The following CA5A variants were observed in gnomAD, a reference collection of about 807,000 sequenced individuals.
The protein encoded by CA5A is carbonic anhydrase 5A, mitochondrial.
In CA5A, 28 loss-of-function variants were observed where a neutral mutation model predicts 37.1. The ratio of observed to expected loss-of-function variants is 0.75; its 90% CI spans 0.56 to 1.03. The LOEUF (loss-of-function observed/expected upper bound fraction) is 1.03, where lower values mean the gene tolerates loss of function less well. Among genes scored for constraint, CA5A ranks in the 50% least tolerant of loss-of-function variants. CA5A has a pLI of 0.00. For synonymous variants in CA5A, 171 were observed against 158.4 expected, an observed-to-expected ratio of 1.08 and a Z score of -0.60; for missense variants, 444 against 399.9, an observed-to-expected ratio of 1.11 and a Z score of -0.94.
intron 2 of CA5A, among the ~76,000 whole-genome samples, chr16:87,922,080 C>T (rs888409812): frequency 1.3e-5 from 2 of 152,010 alleles, no homozygotes; most frequent in African/African-American, 2.4e-5. Context: ...GTTACCCTCC[C>T]ACCTTGGCCT....
At chr16:87,887,104 T>G (rs1048701943), downstream of CA5A, 1 of 152,126 alleles carries the variant, frequency 6.6e-6, no homozygotes, top group African/African-American at 2.4e-5. Context: ...GGTTTCGCCA[T>G]GTTGGTCAGG....
At chr16:87,905,746 G>A (rs2055951771) in intron 2 of CA5A, among the ~76,000 whole-genome samples, 1 of 152,326 alleles carries the variant, frequency 6.6e-6, no homozygotes, top group South Asian at 2.1e-4. Context: ...CCACCACAGG[G>A]CCAGCTTTTA....
intron 2 of CA5A, among the ~76,000 whole-genome samples, chr16:87,912,505 G>C (rs114925308): frequency 0.03 from 4,571 of 152,296 alleles, 251 homozygotes; most frequent in African/African-American, 0.1. Flanking sequence ...AAGCATAAAA[G>C]AAGAAAAGTC....
In CA5A at chr16:87,911,321, CA is replaced by C. The variant is rs2056049288; in HGVS notation, c.341-6418del. ...GTGCCAGACTCTCCAAACATAATAA[CA>C]GATGACGTTTGGGGCCGGCTCCAGG... is the stretch of plus-strand genomic sequence containing the variant. On this transcript the variant is annotated intron_variant, in intron 2 of 6. Transcript: ENST00000649794. The surrounding 1 kb of genome is among the most constrained non-coding windows in gnomAD (Gnocchi z 4.6). Among the ~76,000 whole-genome samples, 1 of 152,112 alleles carries C rather than the reference CA, an allele frequency of 6.6e-6. No homozygotes were observed. The highest frequency in any genetic ancestry group is 1.5e-5 in the Non-Finnish European group (1 of 68,028).
At chr16:87,922,213 A>T (rs2056240207) in intron 2 of CA5A, among the ~76,000 whole-genome samples, 2 of 152,072 alleles carry the variant, frequency 1.3e-5, no homozygotes, top group Non-Finnish European at 2.9e-5. Flanking sequence ...CCCCCATAAA[A>T]TTAGCATTTT....
intron 2 of CA5A, among the ~76,000 whole-genome samples, chr16:87,912,396 A>T (rs1158891750): frequency 6.6e-6 from 1 of 152,248 alleles, no homozygotes; most frequent in East Asian, 1.9e-4. Flanking sequence ...CCCCTGAAGC[A>T]GATACCACGA....
chr16:87,906,638 T>C (rs2055966084), intron 2 of CA5A, among the ~76,000 whole-genome samples: 1 of 151,442 alleles, frequency 6.6e-6, no homozygotes, highest in South Asian at 2.1e-4. Flanking sequence ...AAAAAAAAAG[T>C]ACTCATAGTT....
At chr16:87,916,926 C>A (rs2056152572) in intron 2 of CA5A, among the ~76,000 whole-genome samples, 1 of 151,750 alleles carries the variant, frequency 6.6e-6, no homozygotes, top group South Asian at 2.1e-4. Flanking sequence ...CACAGTGAAA[C>A]CCCGTCTTTA....
At chr16:87,890,257 C>T (rs571558323) in intron 6 of CA5A, among the ~76,000 whole-genome samples, 1 of 152,358 alleles carries the variant, frequency 6.6e-6, no homozygotes, top group South Asian at 2.1e-4. Context: ...ACCTGCCCCC[C>T]TCCCACCCTC....
At position 87,936,527 on chromosome 16, in the gene CA5A, A is replaced by G; in HGVS notation, c.-77T>C. The G allele has an allele frequency of 6.3e-7, 1 of 1,576,204 alleles. No individual in the cohort carries two copies. The highest frequency in any genetic ancestry group is 8.6e-7 in the Non-Finnish European group (1 of 1,156,548). On this transcript the variant is annotated 5_prime_UTR_variant, in exon 1 of 7. Transcript: ENST00000649794. ...GTCTGTTCTCACTTTGATCAGGACC[A>G]CTGTGGACTGGCGTGTACCCACCTC...
intron 2 of CA5A, among the ~76,000 whole-genome samples, chr16:87,920,906 G>A (rs1458744324): frequency 6.6e-6 from 1 of 152,100 alleles, no homozygotes; most frequent in Non-Finnish European, 1.5e-5. Context: ...CGATTTTCCT[G>A]CCTCAGCCTT....
intron 2 of CA5A, among the ~76,000 whole-genome samples, chr16:87,920,037 G>C (rs943538768): frequency 6.6e-6 from 1 of 152,178 alleles, no homozygotes; most frequent in Admixed American, 6.6e-5. Flanking sequence ...GGAGGGCCGG[G>C]CTTACCTGGG....
intron 2 of CA5A, among the ~76,000 whole-genome samples, chr16:87,926,143 C>T (rs2056305387): frequency 6.6e-6 from 1 of 152,156 alleles, no homozygotes; most frequent in Non-Finnish European, 1.5e-5. Flanking sequence ...TCACTTGAAC[C>T]AGGAGACAGA....
chr16:87,936,303 A>G lies in CA5A; in HGVS notation c.142+6T>C. 6.2e-7 allele frequency: 1 copy of G among 1,607,708 alleles called. No individual in the cohort carries two copies. The highest frequency in any genetic ancestry group is 8.5e-7 in the Non-Finnish European group (1 of 1,174,520). On this transcript the variant is annotated splice_donor_region_variant and intron_variant, in intron 1 of 6. Coordinates refer to ENST00000649794, the MANE Select transcript of CA5A (RefSeq NM_001739.2). Reference sequence around the variant, plus strand: ...CGCATCTTAGGAAATTTGAGGCTCTACTTACAAGTGTTATTGCTGGTTTGC... The same window carrying G: ...CGCATCTTAGGAAATTTGAGGCTCTGCTTACAAGTGTTATTGCTGGTTTGC...
intron 5 of CA5A, 25 bp from the exon 6 acceptor site, chr16:87,891,979 G>A (rs551345581): frequency 2.4e-5 from 36 of 1,511,386 alleles, no homozygotes; most frequent in African/African-American, 2.3e-4. Context: ...AGCACAGGAC[G>A]TGTCAGTCCT....
intron 1 of CA5A, among the ~76,000 whole-genome samples, chr16:87,929,676 T>C (rs568387789): frequency 1.3e-5 from 2 of 151,086 alleles, no homozygotes; most frequent in Admixed American, 6.6e-5. Flanking sequence ...ATCGAGACCA[T>C]CCTGGCTAAC....
At chr16:87,910,646 C>A (rs181995222) in intron 2 of CA5A, among the ~76,000 whole-genome samples, 3 of 152,168 alleles carry the variant, frequency 2.0e-5, no homozygotes, top group Admixed American at 6.5e-5. Context: ...GGGGTGCTCT[C>A]GGCTCACTTC....
intron 2 of CA5A, 53 bp downstream of exon 2, chr16:87,926,695 G>A: frequency 2.1e-6 from 3 of 1,434,574 alleles, no homozygotes; most frequent in Non-Finnish European, 2.9e-6. Flanking sequence ...TCTTGACCCT[G>A]CTGCCAGAAC....
chr16:87,891,350 C>T (rs946856207), intron 6 of CA5A, among the ~76,000 whole-genome samples: 2 of 151,672 alleles, frequency 1.3e-5, no homozygotes, highest in African/African-American at 4.8e-5. Flanking sequence ...TGCCTGTAAT[C>T]CCAGCTATTT....
Sources: allele counts gnomAD v4.1 joint callset (sites outside exome capture counted in the v4.1 genomes callset), GRCh38; gene constraint gnomAD v4.1.1; non-coding constraint Gnocchi (gnomAD v3.1); transcripts MANE v1.5; gene names NCBI Gene and HGNC (gene_info 2026-07-23, HGNC 2026-07-21).